ADAMTS3: variants seen among roughly 807,000 people sequenced by gnomAD.
The protein encoded by ADAMTS3 is A disintegrin and metalloproteinase with thrombospondin motifs 3.
ADAMTS3 carries 73 observed loss-of-function variants against 129.0 expected under a neutral mutation model. The ratio of observed to expected loss-of-function variants is 0.57; its 90% CI spans 0.47 to 0.69. ADAMTS3 has a LOEUF of 0.69. Among genes scored for constraint, ADAMTS3 ranks in the 30% least tolerant of loss-of-function variants. The pLI, the probability that ADAMTS3 is intolerant of heterozygous loss-of-function variation, is 0.00. For missense variants in ADAMTS3, 1,457 were observed against 1,514.5 expected (o/e 0.96, Z 0.63); for synonymous variants, 477 against 510.8 (o/e 0.93, Z 0.89).
intron 2 of ADAMTS3, among the ~76,000 whole-genome samples, chr4:72,555,083 G>T (rs1721729754): frequency 6.6e-6 from 1 of 151,666 alleles, no homozygotes; most frequent in Non-Finnish European, 1.5e-5. Flanking sequence ...CATCACTTTA[G>T]GATAAAAGAT....
intron 3 of ADAMTS3, among the ~76,000 whole-genome samples, chr4:72,486,349 C>G (rs1330993010): frequency 6.6e-6 from 1 of 152,174 alleles, no homozygotes; most frequent in Non-Finnish European, 1.5e-5. Context: ...GGTTGAACAA[C>G]CACATTTGGA....
At chr4:72,568,440 G>A (rs1348992486) in intron 1 of ADAMTS3, among the ~76,000 whole-genome samples, 1 of 152,102 alleles carries the variant, frequency 6.6e-6, no homozygotes. Flanking sequence ...TACGAATGTC[G>A]CAGACTGGTG....
chr4:72,354,897 G>C (rs1356508519), intron 4 of ADAMTS3, among the ~76,000 whole-genome samples: 1 of 151,888 alleles, frequency 6.6e-6, no homozygotes, highest in Non-Finnish European at 1.5e-5. Flanking sequence ...ACACTGGATT[G>C]TGTCTTCTCT....
At position 72,320,794 on chromosome 4, in the gene ADAMTS3, C is replaced by A; in HGVS notation, c.1022G>T (p.Arg341Ile). 2 of 1,613,992 alleles carry A rather than the reference C, an allele frequency of 1.2e-6. No homozygotes were observed. The highest frequency in any genetic ancestry group is 4.5e-5 in the East Asian group (2 of 44,838). The change falls in exon 7 of 22, where the codon AGA becomes ATA. Residue 341 changes from arginine to isoleucine, a missense_variant. Transcript: ENST00000286657. ...NVCRWASQQQ[R>I]SDLNHSEHHD... ...GTGTTCAGAGTGGTTGAGATCAGAT[C>A]TTTGCTGTTGGGACGCCCAGCGACA... is the stretch of plus-strand genomic sequence containing the variant.
At position 72,454,635 on chromosome 4, in the gene ADAMTS3, A is replaced by G. The variant is rs544782107; in HGVS notation, c.505-39664T>C. 9.2e-5 allele frequency among the ~76,000 whole-genome samples: 14 copies of G among 151,836 alleles called. No individual in the cohort carries two copies. In the South Asian group the frequency reaches 2.9e-3, roughly 31 times the overall value. ...ATTATTAGGCCTTCTCCTTGGCAAT[A>G]TCTCATCTTAATTCAAAAATTACCT... On this transcript the variant is annotated intron_variant, in intron 3 of 21. Transcript: ENST00000286657.
intron 3 of ADAMTS3, among the ~76,000 whole-genome samples, chr4:72,536,683 G>T (rs1273832570): frequency 6.6e-6 from 1 of 152,100 alleles, no homozygotes; most frequent in African/African-American, 2.4e-5. Flanking sequence ...GATAGAACTG[G>T]AACTAGAGTC....
At chr4:72,532,982 C>T (rs1340967871) in intron 3 of ADAMTS3, among the ~76,000 whole-genome samples, 2 of 152,058 alleles carry the variant, frequency 1.3e-5, no homozygotes, top group African/African-American at 4.8e-5. Flanking sequence ...TGTGTAAGCA[C>T]CACACTTAGG....
intron 3 of ADAMTS3, among the ~76,000 whole-genome samples, chr4:72,503,223 A>G (rs910498417): frequency 5.3e-5 from 8 of 151,982 alleles, no homozygotes; most frequent in Admixed American, 1.3e-4. Context: ...GGGTTTCACC[A>G]TCTTGGCCAG....
rs187984392 is a variant in ADAMTS3, at chr4:72,451,666, G to C, written c.505-36695C>G. On this transcript the variant is annotated intron_variant, in intron 3 of 21. Transcript: ENST00000286657. ...ACTGATTCCAAACTTTCAAAGTAAT[G>C]AAACCAAAACCAAAACCCAATATAT... Among the ~76,000 whole-genome samples, 107 of 151,638 alleles carry C rather than the reference G, an allele frequency of 7.1e-4. 3 individuals are homozygous for C. Among genetic ancestry groups the C allele is most frequent in the Admixed American group, 5.2e-3 (79 of 15,230 alleles).
At chr4:72,508,546 G>C (rs1720224735) in intron 3 of ADAMTS3, among the ~76,000 whole-genome samples, 1 of 152,022 alleles carries the variant, frequency 6.6e-6, no homozygotes, top group Non-Finnish European at 1.5e-5. Flanking sequence ...TTAGAGAAAA[G>C]AATTTGAATT....
chr4:72,330,738 T>C (rs1489489321), intron 5 of ADAMTS3: 3 of 152,224 alleles, frequency 2.0e-5, no homozygotes, highest in African/African-American at 7.2e-5. Flanking sequence ...TCAATAAACA[T>C]GAGTCTTTCC....
rs1320981334 is a variant in ADAMTS3 at position 72,282,170 on chromosome 4, A to C, written c.*966T>G. The C allele has an allele frequency of 6.6e-6, 1 of 152,218 alleles. No homozygotes were observed. Among genetic ancestry groups the C allele is most frequent in the Non-Finnish European group, 1.5e-5 (1 of 68,032 alleles). The allele number at this position is 152,218 out of a possible 1,614,324, so 9.4% of individuals were successfully genotyped here. ...CCTTTGCGATTATTACAGTACATTG[A>C]GTATAACTGTTTGTATCTGTCAACA... On this transcript the variant is annotated 3_prime_UTR_variant, in exon 22 of 22. Coordinates refer to ENST00000286657, the MANE Select transcript of ADAMTS3 (RefSeq NM_014243.3).
At chr4:72,320,572 A>C (rs941810692) in intron 7 of ADAMTS3, 142 bp downstream of exon 7, 4 of 852,774 alleles carry the variant, frequency 4.7e-6, no homozygotes, top group Non-Finnish European at 7.2e-6. Flanking sequence ...CACTGTAAGC[A>C]AAAGAAAGAA....
At chr4:72,456,620 G>T (rs1489502345) in intron 3 of ADAMTS3, among the ~76,000 whole-genome samples, 1 of 150,924 alleles carries the variant, frequency 6.6e-6, no homozygotes, top group African/African-American at 2.4e-5. Context: ...ACTTACATCT[G>T]CCAAAAATGC....
chr4:72,440,095 C>T (rs1718068658), intron 3 of ADAMTS3, among the ~76,000 whole-genome samples: 1 of 151,654 alleles, frequency 6.6e-6, no homozygotes, highest in Admixed American at 6.6e-5. Flanking sequence ...TTTGAAACTT[C>T]ACAATTTTGA....
intron 5 of ADAMTS3, among the ~76,000 whole-genome samples, chr4:72,331,620 C>A (rs1719856059): frequency 6.6e-6 from 1 of 152,148 alleles, no homozygotes; most frequent in Non-Finnish European, 1.5e-5. Context: ...CATCTGCCAT[C>A]TCCCCTAAAT....
chr4:72,281,478 C>G lies in ADAMTS3; in HGVS notation c.*1658G>C, dbSNP rs1187917179. The G allele has an allele frequency of 6.6e-6, 1 of 152,336 alleles. No homozygotes were observed. The highest frequency in any genetic ancestry group is 2.4e-5 in the African/African-American group (1 of 41,434). 9.4% of individuals were successfully genotyped at this position (152,336 alleles called of 1,614,324 possible). ...AATCATTATGCTGATATCACTATCT[C>G]CTCTCATGTACATGTAATTCATGAT... On this transcript the variant is annotated 3_prime_UTR_variant, in exon 22 of 22. Transcript: ENST00000286657.
At chr4:72,530,890 T>A (rs1204321536) in intron 3 of ADAMTS3, among the ~76,000 whole-genome samples, 3 of 137,720 alleles carry the variant, frequency 2.2e-5, no homozygotes, top group African/African-American at 8.1e-5. Flanking sequence ...TCTTTAGATA[T>A]ACATATATGC....
intron 3 of ADAMTS3, among the ~76,000 whole-genome samples, chr4:72,438,439 G>A (rs920264288): frequency 2.6e-5 from 4 of 151,680 alleles, no homozygotes; most frequent in Admixed American, 6.6e-5. Flanking sequence ...TAAAATAACT[G>A]AATGTGTTTA....
Sources: gnomAD v4.1 joint callset for allele counts (sites outside exome capture counted in the v4.1 genomes callset) on GRCh38, gnomAD v4.1.1 for gene constraint, MANE v1.5 for transcripts, NCBI Gene and HGNC (gene_info 2026-07-23, HGNC 2026-07-21) for gene names.